The following PPHLN1 variants were observed in gnomAD, a reference collection of about 807,000 sequenced individuals.
PPHLN1 encodes periphilin 1.
A neutral mutation model predicts 51.3 loss-of-function variants in PPHLN1; 29 were observed. The ratio of observed to expected loss-of-function variants is 0.57; its 90% CI spans 0.42 to 0.77. The LOEUF (loss-of-function observed/expected upper bound fraction) is 0.77, where lower values mean the gene tolerates loss of function less well. Ranked by LOEUF, PPHLN1 falls within the 30% of genes least tolerant of loss-of-function variation. The pLI, the probability that PPHLN1 is intolerant of heterozygous loss-of-function variation, is 0.00. For synonymous variants in PPHLN1, 147 were observed against 147.8 expected (o/e 0.99, Z 0.04); for missense variants, 436 against 438.4 (o/e 0.99, Z 0.05).
chr12:42,342,636 A>T (rs2071673191), intron 2 of PPHLN1, among the ~76,000 whole-genome samples: 2 of 152,230 alleles, frequency 1.3e-5, no homozygotes, highest in Admixed American at 6.5e-5. Context: ...CTAGCAGTTT[A>T]TATTCTGGGC....
intron 2 of PPHLN1, among the ~76,000 whole-genome samples, chr12:42,341,956 T>C (rs1592229044): frequency 6.6e-6 from 1 of 151,188 alleles, no homozygotes; most frequent in Admixed American, 6.6e-5. Flanking sequence ...AGTAAGTCAC[T>C]TTTATAAGGG....
At chr12:42,399,235 T>G in intron 9 of PPHLN1, 2 of 1,099,154 alleles carry the variant, frequency 1.8e-6, no homozygotes, top group East Asian at 4.2e-5. Context: ...ATTAATATTC[T>G]AGTTAGTATG....
intron 5 of PPHLN1, 111 bp downstream of exon 5, chr12:42,375,185 T>A: frequency 1.1e-6 from 1 of 895,728 alleles, no homozygotes; most frequent in Admixed American, 3.3e-5. Context: ...CTTTTTATTT[T>A]GAAAAATTTC....
chr12:42,360,122 AAG>A (rs2074478588), intron 4 of PPHLN1, among the ~76,000 whole-genome samples: 1 of 151,318 alleles, frequency 6.6e-6, no homozygotes, highest in Non-Finnish European at 1.5e-5. Context: ...AAAAAAAAAA[AAG>A]AAAAATTGCA....
chr12:42,430,543 G>A (rs1452057140), intron 9 of PPHLN1, among the ~76,000 whole-genome samples: 1 of 152,020 alleles, frequency 6.6e-6, no homozygotes, highest in African/African-American at 2.4e-5. Flanking sequence ...AGGCTGGCGT[G>A]TAGAGTGCTA....
At chr12:42,433,070 G>T in intron 9 of PPHLN1, 5 of 834,062 alleles carry the variant, frequency 6.0e-6, no homozygotes, top group African/African-American at 1.7e-5. Context: ...ATTTTTTTTT[G>T]ACAGTTTTAT....
intron 1 of PPHLN1, among the ~76,000 whole-genome samples, chr12:42,326,496 A>G (rs2068797198): frequency 6.6e-6 from 1 of 152,178 alleles, no homozygotes; most frequent in Admixed American, 6.5e-5. Context: ...GTGACCCGAG[A>G]GGAGTCAGGA....
intron 9 of PPHLN1, among the ~76,000 whole-genome samples, chr12:42,430,650 C>T (rs754032602): frequency 7.2e-5 from 11 of 151,954 alleles, no homozygotes; most frequent in Non-Finnish European, 1.2e-4. Flanking sequence ...CCCACCACCA[C>T]GCCCAGCTAA....
intron 5 of PPHLN1, among the ~76,000 whole-genome samples, chr12:42,382,858 T>TAAGAGGATAA (rs1310840930): frequency 3.3e-5 from 5 of 152,186 alleles, no homozygotes; most frequent in Non-Finnish European, 7.3e-5. Context: ...ATAAGAAGAA[T>TAAGAGGATAA]GAGACCTTTT....
intron 6 of PPHLN1, chr12:42,387,169 T>C (rs1331863269): frequency 4.9e-6 from 1 of 204,542 alleles, no homozygotes; most frequent in Non-Finnish European, 9.7e-6. Context: ...TTTTAAAATA[T>C]GTTTTGCCTT....
At chr12:42,404,014 T>C (rs2079064414) in intron 9 of PPHLN1, among the ~76,000 whole-genome samples, 1 of 152,118 alleles carries the variant, frequency 6.6e-6, no homozygotes. Context: ...TGTTTTCACA[T>C]CTTAGAGACC....
chr12:42,409,029 A>G (rs557125445), intron 9 of PPHLN1, among the ~76,000 whole-genome samples: 3 of 152,218 alleles, frequency 2.0e-5, no homozygotes, highest in East Asian at 1.9e-4. Flanking sequence ...ATTAACAACA[A>G]TAAGTAAAAT....
chr12:42,401,709 G>C (rs935136372), intron 9 of PPHLN1, among the ~76,000 whole-genome samples: 1 of 152,136 alleles, frequency 6.6e-6, no homozygotes, highest in African/African-American at 2.4e-5. Flanking sequence ...TGCCAAAAAG[G>C]TTGGTGTCTG....
At chr12:42,356,444 C>G (rs946857141) in intron 4 of PPHLN1, among the ~76,000 whole-genome samples, 3 of 152,190 alleles carry the variant, frequency 2.0e-5, no homozygotes, top group Admixed American at 2.0e-4. Context: ...CAAGCTAGTC[C>G]TCCTTTCCCT....
At chr12:42,363,259 A>G (rs6582396) in intron 4 of PPHLN1, among the ~76,000 whole-genome samples, 146,576 of 152,070 alleles carry the variant, frequency 0.96, 70,895 homozygotes, top group Middle Eastern at 1. Context: ...CCTAAATGTG[A>G]TTATTATCCT....
At chr12:42,387,333 A>G (rs2077273913) in intron 6 of PPHLN1, 123 bp from the exon 7 acceptor site, 3 of 993,402 alleles carry the variant, frequency 3.0e-6, no homozygotes, top group Non-Finnish European at 4.3e-6. Flanking sequence ...TAATGTAATA[A>G]TGTAATGAAA....
In PPHLN1 at chr12:42,327,292, A is replaced by G. The variant is rs116608753; in HGVS notation, c.-21+1063A>G. 5.7e-3 allele frequency among the ~76,000 whole-genome samples: 870 copies of G among 152,138 alleles called. 7 individuals carry two copies. The highest frequency in any genetic ancestry group is 0.02 in the African/African-American group (834 of 41,480). ...CTGCTTAAACTATTTTACATATTCAACTTCTTTAGTGAAATTCTCCTTCAT... is the reference window on the plus strand; with the variant it reads ...CTGCTTAAACTATTTTACATATTCAGCTTCTTTAGTGAAATTCTCCTTCAT... On this transcript the variant is annotated intron_variant, in intron 1 of 9. Transcript: ENST00000358314.
intron 9 of PPHLN1, among the ~76,000 whole-genome samples, chr12:42,425,392 A>AGGT (rs1298911007): frequency 2.4e-5 from 2 of 82,708 alleles, no homozygotes; most frequent in Non-Finnish European, 4.7e-5. Flanking sequence ...CGCCCAGCCT[A>AGGT]TTTTATTTTA....
intron 8 of PPHLN1, among the ~76,000 whole-genome samples, chr12:42,397,177 A>T (rs2078315843): frequency 6.6e-6 from 1 of 152,166 alleles, no homozygotes; most frequent in Non-Finnish European, 1.5e-5. Flanking sequence ...TCCCTAGTCT[A>T]GAATGACCAT....
Sources: gnomAD v4.1 joint callset for allele counts (sites outside exome capture counted in the v4.1 genomes callset) on GRCh38, gnomAD v4.1.1 for gene constraint, MANE v1.5 for transcripts, NCBI Gene and HGNC (gene_info 2026-07-23, HGNC 2026-07-21) for gene names.